The following C11orf21 variants were observed in gnomAD, a reference collection of about 807,000 sequenced individuals.
C11orf21 encodes uncharacterized protein C11orf21.
Under a neutral mutation model 15.2 loss-of-function variants are expected in C11orf21, and 19 were observed. The observed-to-expected ratio is 1.25, with a 90% CI of 0.87 to 1.84. C11orf21 has a LOEUF of 1.84. Ranked by LOEUF, C11orf21 falls within the 40% of genes most tolerant of loss-of-function variation. The pLI, the probability that C11orf21 is intolerant of heterozygous loss-of-function variation, is 0.00. For synonymous variants in C11orf21, 62 were observed against 66.8 expected, an observed-to-expected ratio of 0.93 and a Z score of 0.35; for missense variants, 171 against 174.4, an observed-to-expected ratio of 0.98 and a Z score of 0.11.
upstream of C11orf21, chr11:2,302,355 T>A: frequency 1.0e-6 from 1 of 975,840 alleles, no homozygotes; most frequent in Non-Finnish European, 1.4e-6. Flanking sequence ...TGCAGACATG[T>A]GTCCTGCCCT....
chr11:2,300,483 C>G, intron 2 of C11orf21, 37 bp downstream of exon 2: 2 of 1,370,102 alleles, frequency 1.5e-6, no homozygotes, highest in East Asian at 2.5e-5. Flanking sequence ...TCCCTGCCCC[C>G]GCTGGTGGGG....
At chr11:2,302,369 A>G (rs1847805847), upstream of C11orf21, 2 of 861,598 alleles carry the variant, frequency 2.3e-6, no homozygotes, top group Non-Finnish European at 3.2e-6. Flanking sequence ...CTGCCCTTGC[A>G]GACAGCCGCA....
At chr11:2,299,746 T>A in intron 2 of C11orf21, 39 bp from the exon 3 acceptor site, 1 of 1,546,034 alleles carries the variant, frequency 6.5e-7, no homozygotes, top group Middle Eastern at 1.7e-4. Context: ...CGGGCGCACC[T>A]GGGACCCAGG....
rs1032923268 is a variant in C11orf21, at chr11:2,296,615, C to T, written c.*1335G>A. On this transcript the variant is annotated 3_prime_UTR_variant, in exon 4 of 4. Transcript: ENST00000381153. The surrounding 1 kb of genome is among the most constrained non-coding windows in gnomAD (Gnocchi z 5.6). ...TTTGTAGGAGTATGGCAAGGTCCTT[C>T]CTCAGGGGCACCCAGTCCTCCTTCA... 6.6e-6 allele frequency: 1 copy of T among 152,254 alleles called. No homozygotes were observed. Among genetic ancestry groups the T allele is most frequent in the African/African-American group, 2.4e-5 (1 of 41,452 alleles). 9.4% of individuals were successfully genotyped at this position (152,254 alleles called of 1,614,324 possible). A position where few individuals can be genotyped will look rare whatever the true frequency, so the allele number is the denominator to read the frequency against.
upstream of C11orf21, chr11:2,302,212 C>T: frequency 7.2e-7 from 1 of 1,391,862 alleles, no homozygotes; most frequent in Non-Finnish European, 9.4e-7. Context: ...GCTTCTTTAT[C>T]TTGGTAACAG....
intron 2 of C11orf21, 95 bp downstream of exon 2, chr11:2,300,425 T>TG: frequency 1.3e-6 from 1 of 748,224 alleles, no homozygotes; most frequent in South Asian, 1.8e-5. Context: ...GAGGGAATGT[T>TG]GGGGTGGGAG....
Position 2,299,692 on chromosome 11 carries a change from T to G in C11orf21, c.163A>C (p.Met55Leu). The G allele has an allele frequency of 2.6e-6, 4 of 1,550,914 alleles. No individual in the cohort carries two copies. The highest frequency in any genetic ancestry group is 3.5e-6 in the Non-Finnish European group (4 of 1,146,876). Residue 55 changes from methionine (M) to leucine (L), a missense_variant, in exon 3 of 4, where the codon ATG (methionine) becomes CTG (leucine). Coordinates refer to ENST00000381153, the MANE Select transcript of C11orf21 (RefSeq NM_001329958.2). ...PSRDQEAPGS[M>L]MPPAAAQPSA... is the part of the protein sequence containing the mutation. ...GGTTGGGCAGCTGCAGGTGGCATCA[T>G]TGAGCCAGGGGCCTCCTGGTGGGTA...
upstream of C11orf21, among the ~76,000 whole-genome samples, chr11:2,302,425 G>A (rs966060063): frequency 2.0e-5 from 3 of 152,202 alleles, no homozygotes; most frequent in African/African-American, 7.2e-5. Context: ...CCTCCTGAGG[G>A]GCAGCACAGA....
Position 2,299,368 on chromosome 11 carries a change from G to T in C11orf21, c.*28+60C>A. 6 of 1,486,220 alleles carry T rather than the reference G, an allele frequency of 4.0e-6. 1 individual carries two copies. In the South Asian group the frequency reaches 7.9e-5, roughly 20 times the overall value. 92.1% of individuals were successfully genotyped at this position (1,486,220 alleles called of 1,614,324 possible). ...CTTGAGTGCCTCCCCGGTGGGAGGG[G>T]CCGCGCTCACAGACAGCACAGGGGC... is the stretch of plus-strand genomic sequence containing the variant. On this transcript the variant is annotated intron_variant, in intron 3 of 3. Transcript: ENST00000381153.
upstream of C11orf21, chr11:2,303,043 C>A (rs1847858157): frequency 1.6e-6 from 2 of 1,272,022 alleles, no homozygotes; most frequent in Non-Finnish European, 2.2e-6. Context: ...CGCCTCACAG[C>A]CAGAATGGTG....
Position 2,300,525 on chromosome 11 carries a change from C to T in C11orf21, c.142G>A (p.Asp48Asn), listed in dbSNP as rs1056879487. 2.6e-6 allele frequency: 4 copies of T among 1,547,392 alleles called. No individual in the cohort carries two copies. Among genetic ancestry groups the T allele is most frequent in the Non-Finnish European group, 3.5e-6 (4 of 1,145,700 alleles). ...WTGTPGWPSRDQEAPGSMMPP... is the reference protein window; with the variant it reads ...WTGTPGWPSRNQEAPGSMMPP... ...GAGGGGGGCTGTGGTCAGACCTGGTCTCTGGAGGGCCAGCCGGGGGTTCCC... is the reference window on the plus strand; with the variant it reads ...GAGGGGGGCTGTGGTCAGACCTGGTTTCTGGAGGGCCAGCCGGGGGTTCCC... The change falls in exon 2 of 4, where the codon GAC (aspartate) becomes AAC (asparagine). Residue 48 changes from aspartate (D) to asparagine (N), a missense_variant. Physicochemically the swap from Asp to Asn is conservative, Grantham distance 23. Coordinates refer to ENST00000381153, the MANE Select transcript of C11orf21 (RefSeq NM_001329958.2).
At chr11:2,302,914 G>A (rs371441475), upstream of C11orf21, 5 of 1,613,684 alleles carry the variant, frequency 3.1e-6, no homozygotes, top group South Asian at 3.3e-5. Flanking sequence ...GTCATCCGCC[G>A]AGCGTCCCTG....
chr11:2,300,725 C>G, intron 1 of C11orf21, 112 bp from the exon 2 acceptor site: 2 of 1,550,954 alleles, frequency 1.3e-6, no homozygotes, highest in Non-Finnish European at 8.7e-7. Context: ...GCTCCAGGCC[C>G]GCCTCACCAG....
At chr11:2,302,717 C>T (rs1263275914), upstream of C11orf21, 3 of 742,150 alleles carry the variant, frequency 4.0e-6, no homozygotes, top group Middle Eastern at 2.9e-4. Flanking sequence ...CCGGGAATCC[C>T]TGCAGCTGAG....
rs774502655 is a variant in C11orf21 at position 2,296,381 on chromosome 11, G to A, written c.*1569C>T. The A allele has an allele frequency of 6.6e-6, 1 of 152,180 alleles. No individual in the cohort carries two copies. The highest frequency in any genetic ancestry group is 1.5e-5 in the Non-Finnish European group (1 of 68,044). 9.4% of individuals were successfully genotyped at this position (152,180 alleles called of 1,614,324 possible). A position where few individuals can be genotyped will look rare whatever the true frequency, so the allele number is the denominator to read the frequency against. On this transcript the variant is annotated 3_prime_UTR_variant, in exon 4 of 4. Transcript: ENST00000381153. This position sits in a 1 kb window ranked among gnomAD's most constrained non-coding sequence, Gnocchi z 5.6. The stretch of plus-strand genomic sequence containing the variant: ...TCTGCACCCACCGAGGGTTGGACCT[G>A]AGCTAGAACTCCGTGAGCCCACTGA...
chr11:2,299,847 C>G (rs112837179), intron 2 of C11orf21, 140 bp from the exon 3 acceptor site: 8 of 443,232 alleles, frequency 1.8e-5, no homozygotes, highest in Non-Finnish European at 3.0e-5. Context: ...CGCATCCACG[C>G]CTGCACACGC....
intron 3 of C11orf21, among the ~76,000 whole-genome samples, chr11:2,298,321 T>C (rs1414130162): frequency 6.6e-6 from 1 of 152,178 alleles, no homozygotes; most frequent in Non-Finnish European, 1.5e-5. Context: ...CGTTCACTTC[T>C]AGGTTCCTGA....
chr11:2,296,117 G>A lies in C11orf21; in HGVS notation c.*1833C>T, dbSNP rs1417601282. Reference sequence around the variant, plus strand: ...TAGACGAGTGGAACGAGGCTGCAGTGGGGGTCACCACCCTGCATCTTCCAA... The same window carrying A: ...TAGACGAGTGGAACGAGGCTGCAGTAGGGGTCACCACCCTGCATCTTCCAA... On this transcript the variant is annotated 3_prime_UTR_variant, in exon 4 of 4. Transcript: ENST00000381153. This position sits in a 1 kb window ranked among gnomAD's most constrained non-coding sequence, Gnocchi z 5.6. 1 of 152,182 alleles carries A rather than the reference G, an allele frequency of 6.6e-6. No homozygotes were observed. The highest frequency in any genetic ancestry group is 6.5e-5 in the Admixed American group (1 of 15,278). The allele number at this position is 152,182 out of a possible 1,614,324, so 9.4% of individuals were successfully genotyped here.
intron 2 of C11orf21, 51 bp downstream of exon 2, chr11:2,300,469 C>G: frequency 8.1e-7 from 1 of 1,238,408 alleles, no homozygotes; most frequent in African/African-American, 1.5e-5. Flanking sequence ...GGGGTTCCAC[C>G]GGCTCCCTGC....
Sources: allele counts gnomAD v4.1 joint callset (sites outside exome capture counted in the v4.1 genomes callset), GRCh38; gene constraint gnomAD v4.1.1; non-coding constraint Gnocchi (gnomAD v3.1); transcripts MANE v1.5; gene names NCBI Gene and HGNC (gene_info 2026-07-23, HGNC 2026-07-21).